Variants in RAB38 observed in about 807,000 individuals in gnomAD.
RAB38 encodes RAB38, member RAS oncogene family.
A neutral mutation model predicts 18.4 loss-of-function variants in RAB38; 15 were observed. The observed-to-expected ratio is 0.82, with a 90% CI of 0.55 to 1.26. The LOEUF is 1.26. RAB38 is among the 50% of genes most tolerant of loss of function. RAB38 has a pLI of 0.00. For synonymous variants in RAB38, 101 were observed against 104.4 expected (o/e 0.97, Z 0.20); for missense variants, 294 against 267.4 (o/e 1.10, Z -0.69).
chr11:87,856,034 C>A, the RAB38 span, among the ~76,000 whole-genome samples: 2,020 of 152,168 alleles, frequency 0.013, 34 homozygotes, highest in Non-Finnish European at 0.021. Context: ...TTGGAACACA[C>A]CACAATTTAC....
At chr11:88,039,720 C>T in the RAB38 span, among the ~76,000 whole-genome samples, 14 of 152,170 alleles carry the variant, frequency 9.2e-5, no homozygotes, top group Non-Finnish European at 2.1e-4. Context: ...TGAGAATGGG[C>T]ATGTGGCTGA....
At chr11:88,003,438 CATTGTATAATAGATTGTATATATTATAT>C in the RAB38 span, among the ~76,000 whole-genome samples, 1 of 1,090 alleles carries the variant, frequency 9.2e-4, no homozygotes, top group Non-Finnish European at 1.6e-3. Context: ...GTATATTATA[CATTGTATAATAGATTGTATATATTATAT>C]ATTGTATAAT....
chr11:88,169,019 CT>C (rs1943277248), intron 1 of RAB38, among the ~76,000 whole-genome samples: 1 of 152,076 alleles, frequency 6.6e-6, no homozygotes, highest in African/African-American at 2.4e-5. Context: ...TTTGATACAC[CT>C]GAGAACTGGA....
chr11:88,105,292 C>T, the RAB38 span, among the ~76,000 whole-genome samples: 8 of 152,014 alleles, frequency 5.3e-5, no homozygotes, highest in Non-Finnish European at 7.4e-5. Flanking sequence ...CTGACTGTTT[C>T]ACTTGGATTA....
chr11:87,912,986 C>G, the RAB38 span, among the ~76,000 whole-genome samples: 5 of 151,878 alleles, frequency 3.3e-5, no homozygotes, highest in South Asian at 1.0e-3. Flanking sequence ...TGACATCCCA[C>G]TTTAGCTTTC....
chr11:87,806,529 G>A, the RAB38 span, among the ~76,000 whole-genome samples: 7 of 152,160 alleles, frequency 4.6e-5, no homozygotes, highest in South Asian at 1.2e-3. Flanking sequence ...ATGAATTTTG[G>A]GGGCCTACAA....
At chr11:87,948,573 A>C in the RAB38 span, among the ~76,000 whole-genome samples, 4 of 152,066 alleles carry the variant, frequency 2.6e-5, no homozygotes, top group Admixed American at 6.6e-5. Flanking sequence ...ACGTCCCATC[A>C]ATATCTAATT....
chr11:88,032,186 G>C, the RAB38 span, among the ~76,000 whole-genome samples: 2 of 152,114 alleles, frequency 1.3e-5, no homozygotes, highest in Non-Finnish European at 2.9e-5. Flanking sequence ...TATGTAGAAA[G>C]CTGAAACTGG....
At chr11:88,006,480 T>G in the RAB38 span, among the ~76,000 whole-genome samples, 2 of 151,192 alleles carry the variant, frequency 1.3e-5, no homozygotes, top group African/African-American at 4.8e-5. Flanking sequence ...TGCACATCCA[T>G]GTTTATTGCT....
the RAB38 span, among the ~76,000 whole-genome samples, chr11:87,831,123 A>G: frequency 6.6e-6 from 1 of 152,114 alleles, no homozygotes; most frequent in Non-Finnish European, 1.5e-5. Flanking sequence ...TACGTTTTAG[A>G]GAAATTAAGG....
chr11:88,023,850 G>A, the RAB38 span, among the ~76,000 whole-genome samples: 1 of 152,004 alleles, frequency 6.6e-6, no homozygotes, highest in African/African-American at 2.4e-5. Context: ...CTATATAAAA[G>A]AATGAAACTT....
At chr11:87,913,297 A>G in the RAB38 span, among the ~76,000 whole-genome samples, 1 of 152,110 alleles carries the variant, frequency 6.6e-6, no homozygotes, top group Non-Finnish European at 1.5e-5. Flanking sequence ...TCATGGAGGA[A>G]TGTTAAAATC....
chr11:88,070,631 G>T, the RAB38 span, among the ~76,000 whole-genome samples: 1 of 152,194 alleles, frequency 6.6e-6, no homozygotes, highest in Non-Finnish European at 1.5e-5. Context: ...CTTAGGTCAA[G>T]AATGCTATTC....
chr11:88,154,251 G>C (rs1029029669), intron 1 of RAB38, among the ~76,000 whole-genome samples: 1 of 152,166 alleles, frequency 6.6e-6, no homozygotes, highest in Non-Finnish European at 1.5e-5. Context: ...TTTTTAATCC[G>C]AGTGCATAGA....
chr11:88,118,915 T>A (rs542577052), intron 2 of RAB38, among the ~76,000 whole-genome samples: 1 of 152,164 alleles, frequency 6.6e-6, no homozygotes, highest in South Asian at 2.1e-4. Flanking sequence ...GGAGAGGTAA[T>A]GGTCATATTT....
At chr11:88,150,107 ATGTAGCT>A in intron 1 of RAB38, 152 bp from the exon 2 acceptor site, 1 of 831,754 alleles carries the variant, frequency 1.2e-6, no homozygotes, top group Admixed American at 2.7e-5. Context: ...ATATGCAATC[ATGTAGCT>A]TGTTCTTGAT....
the RAB38 span, among the ~76,000 whole-genome samples, chr11:87,881,680 G>A: frequency 1.1e-4 from 17 of 151,652 alleles, no homozygotes; most frequent in South Asian, 8.3e-4. Flanking sequence ...TGTCTAATAT[G>A]AGCTTCATAA....
At chr11:87,929,911 T>C in the RAB38 span, among the ~76,000 whole-genome samples, 1 of 152,152 alleles carries the variant, frequency 6.6e-6, no homozygotes, top group Non-Finnish European at 1.5e-5. Flanking sequence ...TTTTTATGGC[T>C]GCATAGTATT....
chr11:88,047,162 T>C, the RAB38 span, among the ~76,000 whole-genome samples: 9 of 152,178 alleles, frequency 5.9e-5, no homozygotes, highest in Admixed American at 4.6e-4. Context: ...ACACATATAC[T>C]TTCTGCTCCC....
Sources: gnomAD v4.1 joint callset for allele counts (sites outside exome capture counted in the v4.1 genomes callset) on GRCh38, gnomAD v4.1.1 for gene constraint, MANE v1.5 for transcripts, NCBI Gene and HGNC (gene_info 2026-07-23, HGNC 2026-07-21) for gene names.